Variants in LMX1B observed in about 807,000 individuals in gnomAD.
The protein encoded by LMX1B is LIM homeobox transcription factor 1 beta, also known as LIM homeobox transcription factor 1-beta.
LMX1B carries 12 observed loss-of-function variants against 51.4 expected under a neutral mutation model. The observed-to-expected ratio is 0.23, with a 90% CI of 0.15 to 0.38. LMX1B has a LOEUF of 0.38. LMX1B is among the 10% of genes least tolerant of loss of function. The pLI, the probability that LMX1B is intolerant of heterozygous loss-of-function variation, is 1.00. For missense variants in LMX1B, 445 were observed against 571.1 expected (o/e 0.78, Z 2.25); for synonymous variants, 237 against 235.4 (o/e 1.01, Z -0.06).
intron 2 of LMX1B, among the ~76,000 whole-genome samples, chr9:126,650,937 A>G (rs1178400366): frequency 1.3e-5 from 2 of 152,214 alleles, no homozygotes; most frequent in East Asian, 1.9e-4. Flanking sequence ...AGAGAACAGT[A>G]TGTGTCATGT....
chr9:126,653,622 A>G (rs1836061097), intron 2 of LMX1B, among the ~76,000 whole-genome samples: 1 of 152,220 alleles, frequency 6.6e-6, no homozygotes, highest in Admixed American at 6.5e-5. Flanking sequence ...CTGCACTTAG[A>G]CTTCTCCAGT....
In LMX1B at chr9:126,617,993, C is replaced by T. The variant is rs1428650538; in HGVS notation, c.326+2424C>T. Among the ~76,000 whole-genome samples, 4 of 152,256 alleles carry T rather than the reference C, an allele frequency of 2.6e-5. No individual in the cohort carries two copies. In the East Asian group the frequency reaches 7.7e-4, roughly 29 times the overall value. ...CAGGGAGATGGAGCGCCGCTCCAGG[C>T]AGGCAGCAGCCACTGGAAAGGGATG... is the stretch of plus-strand genomic sequence containing the variant. On this transcript the variant is annotated intron_variant, in intron 2 of 7. Transcript: ENST00000373474.
chr9:126,696,517 C>A lies in LMX1B; in HGVS notation c.*66C>A, dbSNP rs1020040502. ...GGGGACTGCCAGCCTCTGCGGCCAG[C>A]CTGGCCACCCCCGCCCTGCTCTCCG... On this transcript the variant is annotated 3_prime_UTR_variant, in exon 8 of 8. Transcript: ENST00000373474. The A allele has an allele frequency of 3.8e-6, 6 of 1,567,842 alleles. No homozygotes were observed. The South Asian group carries it at 4.4e-5, about 12-fold the overall frequency.
Position 126,697,970 on chromosome 9 carries a change from G to A in LMX1B, c.*1519G>A, listed in dbSNP as rs183329572. ...GGCTCACCACAACCTCCGCCTCCCA[G>A]GTTCAAGTGATTCTGATGCCTCAGC... On this transcript the variant is annotated 3_prime_UTR_variant, in exon 8 of 8. Coordinates refer to ENST00000373474, the MANE Select transcript of LMX1B (RefSeq NM_001174147.2). 6.5e-6 allele frequency: 1 copy of A among 153,568 alleles called. No individual in the cohort carries two copies. The highest frequency in any genetic ancestry group is 6.5e-5 in the Admixed American group (1 of 15,326). 9.5% of individuals were successfully genotyped at this position (153,568 alleles called of 1,614,324 possible).
intron 2 of LMX1B, among the ~76,000 whole-genome samples, chr9:126,669,417 G>T (rs958793260): frequency 6.6e-6 from 1 of 152,182 alleles, no homozygotes; most frequent in Non-Finnish European, 1.5e-5. Flanking sequence ...GGACTTCTGA[G>T]AAAAGTTTCC....
intron 2 of LMX1B, among the ~76,000 whole-genome samples, chr9:126,616,944 CCATT>C (rs1835314776): frequency 6.6e-6 from 1 of 152,204 alleles, no homozygotes; most frequent in African/African-American, 2.4e-5. Flanking sequence ...GGATTGGAGT[CCATT>C]CAGAGGTTCA....
intron 2 of LMX1B, among the ~76,000 whole-genome samples, chr9:126,645,259 GA>G (rs1835878275): frequency 6.6e-6 from 1 of 152,022 alleles, no homozygotes; most frequent in South Asian, 2.1e-4. Context: ...ATCCCTGGCA[GA>G]CCCGTTCACT....
intron 2 of LMX1B, among the ~76,000 whole-genome samples, chr9:126,624,153 C>T (rs570494269): frequency 6.6e-6 from 1 of 152,254 alleles, no homozygotes; most frequent in Admixed American, 6.5e-5. Flanking sequence ...TCCTGGGACG[C>T]GCTAGGCTGA....
At position 126,699,505 on chromosome 9, in the gene LMX1B, T is replaced by C. The variant is rs1004799455; in HGVS notation, c.*3054T>C. On this transcript the variant is annotated 3_prime_UTR_variant, in exon 8 of 8. Coordinates refer to ENST00000373474, the MANE Select transcript of LMX1B (RefSeq NM_001174147.2). Reference sequence around the variant, plus strand: ...AGAAGGGACCTCAGAGAGTCCCTTATGCTGGAGGCGCCCTGTCAGCCGTGG... The same window carrying C: ...AGAAGGGACCTCAGAGAGTCCCTTACGCTGGAGGCGCCCTGTCAGCCGTGG... 6.6e-6 allele frequency: 1 copy of C among 152,320 alleles called. No homozygotes were observed. The highest frequency in any genetic ancestry group is 2.1e-4 in the South Asian group (1 of 4,834). 9.4% of individuals were successfully genotyped at this position (152,320 alleles called of 1,614,324 possible).
At chr9:126,617,864 G>A (rs573684014) in intron 2 of LMX1B, among the ~76,000 whole-genome samples, 96 of 131,996 alleles carry the variant, frequency 7.3e-4, no homozygotes, top group African/African-American at 2.2e-3. Context: ...TTCCAATAAC[G>A]CCAATTAGGT....
intron 6 of LMX1B, 70 bp downstream of exon 6, chr9:126,693,882 AG>A (rs2030239635): frequency 1.3e-6 from 1 of 758,554 alleles, no homozygotes; most frequent in African/African-American, 1.7e-5. Flanking sequence ...GGCCTAGGCC[AG>A]GGTGAGCTGG....
At chr9:126,659,343 A>T (rs1388125727) in intron 2 of LMX1B, among the ~76,000 whole-genome samples, 1 of 152,244 alleles carries the variant, frequency 6.6e-6, no homozygotes, top group Non-Finnish European at 1.5e-5. Context: ...GGCGCCCTCC[A>T]GCAGCGGCTC....
chr9:126,659,242 C>T (rs1276586986), intron 2 of LMX1B, among the ~76,000 whole-genome samples: 1 of 152,230 alleles, frequency 6.6e-6, no homozygotes, highest in African/African-American at 2.4e-5. Context: ...TTGTCCTGGC[C>T]ACCAGTGCTG....
intron 2 of LMX1B, among the ~76,000 whole-genome samples, chr9:126,659,379 CTGTCCCCA>C: frequency 6.6e-6 from 1 of 152,382 alleles, no homozygotes; most frequent in South Asian, 2.1e-4. Flanking sequence ...CAATTTCACG[CTGTCCCCA>C]GGAGGCTGTC....
At chr9:126,629,207 G>C (rs1835589676) in intron 2 of LMX1B, among the ~76,000 whole-genome samples, 1 of 152,058 alleles carries the variant, frequency 6.6e-6, no homozygotes, top group Middle Eastern at 3.2e-3. Flanking sequence ...CGGTACTTGG[G>C]GCACCTCTCA....
intron 2 of LMX1B, among the ~76,000 whole-genome samples, chr9:126,680,580 A>G (rs148674646): frequency 1.2e-3 from 187 of 152,256 alleles, no homozygotes; most frequent in African/African-American, 4.4e-3. Context: ...GAATGGGGGA[A>G]GGTACCTGGG....
chr9:126,624,660 T>A (rs1330345386), intron 2 of LMX1B, among the ~76,000 whole-genome samples: 3 of 77,254 alleles, frequency 3.9e-5, no homozygotes, highest in Non-Finnish European at 7.6e-5. Context: ...GGTTTTTTTT[T>A]ATCTTGTTTT....
At chr9:126,672,723 G>T (rs1056169375) in intron 2 of LMX1B, among the ~76,000 whole-genome samples, 1 of 152,168 alleles carries the variant, frequency 6.6e-6, no homozygotes, top group Non-Finnish European at 1.5e-5. Flanking sequence ...CATGGGGTGC[G>T]GGGGGCTGAG....
At chr9:126,668,239 G>A (rs1272172473) in intron 2 of LMX1B, among the ~76,000 whole-genome samples, 1 of 152,172 alleles carries the variant, frequency 6.6e-6, no homozygotes, top group Non-Finnish European at 1.5e-5. Context: ...TGGTTGGAAA[G>A]GGTGGCTGAG....
Sources: allele counts gnomAD v4.1 joint callset (sites outside exome capture counted in the v4.1 genomes callset), GRCh38; gene constraint gnomAD v4.1.1; transcripts MANE v1.5; gene names NCBI Gene and HGNC (gene_info 2026-07-23, HGNC 2026-07-21).